Variants in ACER3 observed in about 807,000 individuals in gnomAD.
ACER3 encodes the protein alkCDase 3.
Under a neutral mutation model 48.9 loss-of-function variants are expected in ACER3, and 16 were observed. That is an observed-to-expected ratio of 0.33 (90% CI 0.22 to 0.50). The LOEUF is 0.50. Ranked by LOEUF, ACER3 falls within the 20% of genes least tolerant of loss-of-function variation. The pLI is 0.98. For missense variants in ACER3, 227 were observed against 326.0 expected, an observed-to-expected ratio of 0.70 and a Z score of 2.34; for synonymous variants, 109 against 107.8, an observed-to-expected ratio of 1.01 and a Z score of -0.07.
chr11:76,981,540 T>C (rs762889262), intron 4 of ACER3, among the ~76,000 whole-genome samples: 2 of 152,254 alleles, frequency 1.3e-5, no homozygotes, highest in Non-Finnish European at 2.9e-5. Context: ...TTGCAGTTAA[T>C]ACTGACACCT....
At chr11:76,995,663 C>T (rs967057234) in intron 6 of ACER3, among the ~76,000 whole-genome samples, 1 of 151,580 alleles carries the variant, frequency 6.6e-6, no homozygotes, top group South Asian at 2.1e-4. Flanking sequence ...TATAGCTGAA[C>T]ATGCTGCCAG....
chr11:76,996,731 T>C (rs58077026), intron 6 of ACER3, among the ~76,000 whole-genome samples: 50 of 40,008 alleles, frequency 1.2e-3, no homozygotes, highest in South Asian at 3.1e-3. Context: ...TTTTTTTTTT[T>C]TTTTTTTTTT....
At chr11:76,919,862 C>T (rs572025856) in intron 1 of ACER3, among the ~76,000 whole-genome samples, 1 of 152,136 alleles carries the variant, frequency 6.6e-6, no homozygotes, top group South Asian at 2.1e-4. Flanking sequence ...GAACCCTCAC[C>T]AACTATAGTT....
intron 1 of ACER3, among the ~76,000 whole-genome samples, chr11:76,924,410 C>T (rs987754304): frequency 6.6e-6 from 1 of 151,938 alleles, no homozygotes; most frequent in African/African-American, 2.4e-5. Flanking sequence ...CACTGTGTTG[C>T]CCAGGCTGCT....
chr11:76,925,738 T>A (rs1946812602), intron 1 of ACER3, among the ~76,000 whole-genome samples: 1 of 152,202 alleles, frequency 6.6e-6, no homozygotes, highest in African/African-American at 2.4e-5. Context: ...AAAGATATGT[T>A]GTAAGTATAT....
chr11:76,905,007 A>G (rs563058146), intron 1 of ACER3, among the ~76,000 whole-genome samples: 1 of 152,242 alleles, frequency 6.6e-6, no homozygotes, highest in African/African-American at 2.4e-5. Context: ...ACATGCCACC[A>G]TGCCCAGCTA....
At position 76,924,325 on chromosome 11, in the gene ACER3, G is replaced by A. The variant is rs11237015; in HGVS notation, c.104-2232G>A. Among the ~76,000 whole-genome samples the A allele has an allele frequency of 1.4e-3, 219 of 152,198 alleles. 2 individuals carry two copies. Among genetic ancestry groups the A allele is most frequent in the African/African-American group, 5.0e-3 (208 of 41,540 alleles). ...TTCTTCATCTTGTGTGGAAACAGAA[G>A]TCTGACAATAACTGTGTTAACATTT... On this transcript the variant is annotated intron_variant, in intron 1 of 10. Coordinates refer to ENST00000532485, the MANE Select transcript of ACER3 (RefSeq NM_018367.7).
chr11:77,007,644 G>A (rs765810018), intron 7 of ACER3, among the ~76,000 whole-genome samples: 7 of 152,220 alleles, frequency 4.6e-5, no homozygotes, highest in Admixed American at 2.0e-4. Context: ...TCCCACTAGG[G>A]AGGGAAAACA....
rs55946055 is a variant in ACER3 at position 76,878,502 on chromosome 11, G to A, written c.103+17423G>A. On this transcript the variant is annotated intron_variant, in intron 1 of 10. Coordinates refer to ENST00000532485, the MANE Select transcript of ACER3 (RefSeq NM_018367.7). ...TTTGAGAAATGAGATTTTTCTATGT[G>A]TTGTATCAGTAGTATGTTTCTTTTG... is the stretch of plus-strand genomic sequence containing the variant. Among the ~76,000 whole-genome samples, 1,284 of 152,098 alleles carry A rather than the reference G, an allele frequency of 8.4e-3. 14 individuals carry two copies. The highest frequency in any genetic ancestry group is 0.013 in the Non-Finnish European group (881 of 67,888).
intron 3 of ACER3, among the ~76,000 whole-genome samples, chr11:76,971,080 G>A (rs1948284904): frequency 6.6e-6 from 1 of 152,082 alleles, no homozygotes; most frequent in Admixed American, 6.5e-5. Flanking sequence ...TCCATTGTAT[G>A]GATATGCCAT....
chr11:76,960,153 G>A (rs1947949638), intron 3 of ACER3, among the ~76,000 whole-genome samples: 1 of 152,170 alleles, frequency 6.6e-6, no homozygotes, highest in Non-Finnish European at 1.5e-5. Context: ...GCTCATGCCT[G>A]TAATCCCAGC....
chr11:76,874,912 T>G (rs1255737988), intron 1 of ACER3, among the ~76,000 whole-genome samples: 1 of 152,180 alleles, frequency 6.6e-6, no homozygotes, highest in African/African-American at 2.4e-5. Flanking sequence ...TCACATATCC[T>G]TAAGCTGATG....
At chr11:76,983,844 G>A (rs12282315) in intron 4 of ACER3, among the ~76,000 whole-genome samples, 3,201 of 150,950 alleles carry the variant, frequency 0.021, 115 homozygotes, top group African/African-American at 0.074. Flanking sequence ...AGGCTGGAGT[G>A]CAATGGCGCA....
chr11:76,878,509 CAGT>C (rs1945443342), intron 1 of ACER3, among the ~76,000 whole-genome samples: 1 of 151,936 alleles, frequency 6.6e-6, no homozygotes, highest in African/African-American at 2.4e-5. Flanking sequence ...TGTGTTGTAT[CAGT>C]AGTATGTTTC....
chr11:76,889,286 T>G (rs1945749433), intron 1 of ACER3, among the ~76,000 whole-genome samples: 1 of 152,166 alleles, frequency 6.6e-6, no homozygotes, highest in South Asian at 2.1e-4. Flanking sequence ...CTTGGTTTTT[T>G]TTTTCCTTTT....
At chr11:76,989,579 A>C (rs956585015) in intron 5 of ACER3, among the ~76,000 whole-genome samples, 3 of 152,208 alleles carry the variant, frequency 2.0e-5, no homozygotes, top group Admixed American at 2.0e-4. Context: ...TTCTGAACAA[A>C]GTAAAGAGCA....
chr11:76,943,084 G>GT (rs1947379612), intron 2 of ACER3, among the ~76,000 whole-genome samples: 1 of 151,786 alleles, frequency 6.6e-6, no homozygotes, highest in Admixed American at 6.6e-5. Flanking sequence ...CTAGCTAGTG[G>GT]TTTATCAATC....
rs537458005 is a variant in ACER3, at chr11:76,989,260, T to G, written c.403-1279T>G. Among the ~76,000 whole-genome samples, 16 of 147,912 alleles carry G rather than the reference T, an allele frequency of 1.1e-4. No homozygotes were observed. The South Asian group carries it at 2.3e-3, about 21-fold the overall frequency. On this transcript the variant is annotated intron_variant, in intron 5 of 10. Transcript: ENST00000532485. The stretch of plus-strand genomic sequence containing the variant: ...TTAAAGGAAATAATCTGGGTTTGGT[T>G]TTTTTTTTTTGTACTGAGGGTAGAA...
intron 4 of ACER3, among the ~76,000 whole-genome samples, chr11:76,984,258 G>A (rs1948644228): frequency 6.6e-6 from 1 of 152,170 alleles, no homozygotes. Flanking sequence ...GTAATAAAGT[G>A]AAATAACCAT....
Sources: gnomAD v4.1 joint callset for allele counts (sites outside exome capture counted in the v4.1 genomes callset) on GRCh38, gnomAD v4.1.1 for gene constraint, MANE v1.5 for transcripts, NCBI Gene and HGNC (gene_info 2026-07-23, HGNC 2026-07-21) for gene names.